Variants in RNF220 observed in about 807,000 individuals in gnomAD.
RNF220 encodes the protein ring finger protein 220.
In RNF220, 7 loss-of-function variants were observed where a neutral mutation model predicts 67.1. The observed-to-expected ratio is 0.10, with a 90% confidence interval of 0.06 to 0.20. RNF220 has a LOEUF of 0.20. Among genes scored for constraint, RNF220 ranks in the 10% least tolerant of loss-of-function variants. The pLI, the probability that RNF220 is intolerant of heterozygous loss-of-function variation, is 1.00. For synonymous variants in RNF220, 270 were observed against 283.2 expected (o/e 0.95, Z 0.47); for missense variants, 565 against 740.3 (o/e 0.76, Z 2.75).
At chr1:44,626,158 G>A in intron 4 of RNF220, 139 bp from the exon 5 acceptor site, 1 of 651,186 alleles carries the variant, frequency 1.5e-6, no homozygotes, top group Non-Finnish European at 2.7e-6. Flanking sequence ...CATGCCTTTA[G>A]AATCTCAAGA....
chr1:44,512,523 G>A (rs1003492869), intron 2 of RNF220, among the ~76,000 whole-genome samples: 6 of 152,148 alleles, frequency 3.9e-5, no homozygotes, highest in South Asian at 2.1e-4. Flanking sequence ...TTAGCTGAGA[G>A]GGAGTGGCTC....
At chr1:44,539,512 C>A (rs560152291) in intron 2 of RNF220, among the ~76,000 whole-genome samples, 3 of 152,278 alleles carry the variant, frequency 2.0e-5, no homozygotes, top group Non-Finnish European at 2.9e-5. Flanking sequence ...TGGAGCCCAC[C>A]GTCAAGGAGC....
intron 2 of RNF220, among the ~76,000 whole-genome samples, chr1:44,544,814 C>T (rs570508971): frequency 6.6e-6 from 1 of 152,310 alleles, no homozygotes; most frequent in African/African-American, 2.4e-5. Flanking sequence ...GACCAGTGTT[C>T]CAAGGACATT....
chr1:44,636,695 A>G (rs1644341779), intron 8 of RNF220, among the ~76,000 whole-genome samples: 1 of 152,150 alleles, frequency 6.6e-6, no homozygotes, highest in African/African-American at 2.4e-5. Context: ...GGTGAATCTA[A>G]TTTTAGCTCT....
intron 2 of RNF220, among the ~76,000 whole-genome samples, chr1:44,543,824 C>T (rs1661887748): frequency 6.6e-6 from 1 of 152,190 alleles, no homozygotes; most frequent in Non-Finnish European, 1.5e-5. Flanking sequence ...CCTCCCCCGT[C>T]CTGCCAAATG....
chr1:44,561,355 C>A (rs764432674), intron 2 of RNF220, among the ~76,000 whole-genome samples: 2 of 152,116 alleles, frequency 1.3e-5, no homozygotes, highest in African/African-American at 2.4e-5. Context: ...ACTAAAAATA[C>A]AAAAATTAGC....
chr1:44,524,639 A>C (rs1445648056), intron 2 of RNF220, among the ~76,000 whole-genome samples: 1 of 151,952 alleles, frequency 6.6e-6, no homozygotes, highest in Non-Finnish European at 1.5e-5. Context: ...GTCTCTCTCT[A>C]TTTTTATTAC....
In RNF220 at chr1:44,451,596, G is replaced by C. The variant is rs569262222; in HGVS notation, c.625+38874G>C. Among the ~76,000 whole-genome samples the C allele has an allele frequency of 1.9e-3, 293 of 152,036 alleles. 1 individual carries two copies. The highest frequency in any genetic ancestry group is 6.8e-3 in the African/African-American group (282 of 41,492). On this transcript the variant is annotated intron_variant, in intron 2 of 14. Coordinates refer to ENST00000361799, the MANE Select transcript of RNF220 (RefSeq NM_018150.4). ...TTACATTGTCTTAAATCATACATAA[G>C]GTTTTAATTCTTTTTTATTTTTGAT...
At chr1:44,442,973 A>G (rs546841689) in intron 2 of RNF220, among the ~76,000 whole-genome samples, 93 of 151,976 alleles carry the variant, frequency 6.1e-4, no homozygotes, top group African/African-American at 1.9e-3. Context: ...GGGCCCTCTT[A>G]CTCCACCCTC....
intron 2 of RNF220, among the ~76,000 whole-genome samples, chr1:44,590,558 T>G (rs1666042343): frequency 6.6e-6 from 1 of 152,202 alleles, no homozygotes; most frequent in African/African-American, 2.4e-5. Flanking sequence ...CTTGGGTGAT[T>G]CTCTGCTGTG....
rs1291959868 is a variant in RNF220, at chr1:44,565,432, G to T, written c.626-48733G>T. Among the ~76,000 whole-genome samples the T allele has an allele frequency of 6.6e-6, 1 of 152,204 alleles. No individual in the cohort carries two copies. The highest frequency in any genetic ancestry group is 1.5e-5 in the Non-Finnish European group (1 of 68,034). ...ATGGAGTTAGGGAGGAAGGGCCCAG[G>T]CAGAGCCAGAGAGAGCCGCAGGAGC... is the stretch of plus-strand genomic sequence containing the variant. On this transcript the variant is annotated intron_variant, in intron 2 of 14. Transcript: ENST00000361799. The surrounding 1 kb of genome is among the most constrained non-coding windows in gnomAD (Gnocchi z 4.2).
chr1:44,564,312 G>A (rs1040410329), intron 2 of RNF220, among the ~76,000 whole-genome samples: 9 of 152,170 alleles, frequency 5.9e-5, no homozygotes, highest in East Asian at 1.9e-4. Flanking sequence ...TGGGCTGAAC[G>A]TTGGACTCCC....
chr1:44,465,219 C>T (rs1324236492), intron 2 of RNF220, among the ~76,000 whole-genome samples: 2 of 152,022 alleles, frequency 1.3e-5, no homozygotes, highest in African/African-American at 4.8e-5. Context: ...ACAGCTCAAA[C>T]CCTCCCACTG....
At chr1:44,620,971 A>G (rs1210710422) in intron 3 of RNF220, among the ~76,000 whole-genome samples, 1 of 147,836 alleles carries the variant, frequency 6.8e-6, no homozygotes, top group Non-Finnish European at 1.5e-5. Flanking sequence ...GCTGGAGTAC[A>G]GTGGCGCAAT....
intron 3 of RNF220, among the ~76,000 whole-genome samples, chr1:44,617,001 C>T (rs752005737): frequency 2.0e-4 from 30 of 152,182 alleles, no homozygotes; most frequent in Non-Finnish European, 3.8e-4. Flanking sequence ...TCCCCGTGTC[C>T]ATTTCCCCAC....
chr1:44,632,353 G>T lies in RNF220; in HGVS notation c.917G>T (p.Arg306Leu), dbSNP rs763490859. ...GCGATCTTCTCCCAGACCTTTCTGC[G>T]AGTACGAGCCAACCGGCAGACCCGA... Reference protein sequence around the residue: ...HHSDRYQTFLRVRANRQTRLN... With the variant: ...HHSDRYQTFLLVRANRQTRLN... Residue 306 changes from arginine to leucine, a missense_variant, in exon 6 of 15, where the codon CGA becomes CTA. By Grantham distance (102) the Arg-to-Leu change is moderately radical. Transcript: ENST00000361799. 2 of 1,614,004 alleles carry T rather than the reference G, an allele frequency of 1.2e-6. No homozygotes were observed. The highest frequency in any genetic ancestry group is 1.7e-6 in the Non-Finnish European group (2 of 1,180,008).
intron 2 of RNF220, among the ~76,000 whole-genome samples, chr1:44,612,983 G>A (rs539185314): frequency 2.7e-4 from 41 of 152,204 alleles, no homozygotes; most frequent in South Asian, 1.7e-3. Flanking sequence ...TGGATATGCA[G>A]GGATGTTTCT....
intron 2 of RNF220, among the ~76,000 whole-genome samples, chr1:44,425,784 C>A (rs1649705508): frequency 6.6e-6 from 1 of 152,198 alleles, no homozygotes; most frequent in East Asian, 1.9e-4. Context: ...AAATGCCATA[C>A]CCTCACATAC....
intron 2 of RNF220, among the ~76,000 whole-genome samples, chr1:44,451,266 A>G (rs1652656126): frequency 6.6e-6 from 1 of 152,222 alleles, no homozygotes; most frequent in Non-Finnish European, 1.5e-5. Context: ...CATAATGAGA[A>G]TAATCATTAC....
Sources: allele counts gnomAD v4.1 joint callset (sites outside exome capture counted in the v4.1 genomes callset), GRCh38; gene constraint gnomAD v4.1.1; non-coding constraint Gnocchi (gnomAD v3.1); transcripts MANE v1.5; gene names NCBI Gene and HGNC (gene_info 2026-07-23, HGNC 2026-07-21).